Variants in KDM2B observed in about 807,000 individuals in gnomAD.
KDM2B encodes the protein lysine demethylase 2B.
A neutral mutation model predicts 150.0 loss-of-function variants in KDM2B; 26 were observed. The ratio of observed to expected loss-of-function variants is 0.17; its 90% CI spans 0.13 to 0.24. The LOEUF (loss-of-function observed/expected upper bound fraction) is 0.24, where lower values mean the gene tolerates loss of function less well. Ranked by LOEUF, KDM2B falls within the 10% of genes least tolerant of loss-of-function variation. KDM2B has a pLI of 1.00. For synonymous variants in KDM2B, 734 were observed against 729.5 expected, an observed-to-expected ratio of 1.01 and a Z score of -0.10; for missense variants, 1,265 against 1,816.9, an observed-to-expected ratio of 0.70 and a Z score of 5.52.
At chr12:121,550,661 G>A (rs782107692) in intron 4 of KDM2B, among the ~76,000 whole-genome samples, 17 of 152,166 alleles carry the variant, frequency 1.1e-4, no homozygotes, top group East Asian at 1.9e-4. Flanking sequence ...ACCTTGCTAA[G>A]TTTTATATTT....
At position 121,467,090 on chromosome 12, in the gene KDM2B, C is replaced by A. The variant is rs1449483277; in HGVS notation, c.1735-13746G>T. The A allele has an allele frequency of 3.1e-4, 295 of 958,108 alleles. No individual in the cohort carries two copies. The highest frequency in any genetic ancestry group is 3.6e-4 in the Non-Finnish European group (275 of 765,916). The allele number at this position is 958,108 out of a possible 1,614,324, so 59.4% of individuals were successfully genotyped here. On this transcript the variant is annotated intron_variant, in intron 12 of 22. Coordinates refer to ENST00000377071, the MANE Select transcript of KDM2B (RefSeq NM_032590.5). The surrounding 1 kb of genome is among the most constrained non-coding windows in gnomAD (Gnocchi z 5.1). ...GCGGCGGCGTCGCGGCCGCCCTCGG[C>A]GCGTCAGACAGGCGGTCGGGAGGTC...
intron 22 of KDM2B, among the ~76,000 whole-genome samples, chr12:121,431,879 CTTTTT>C (rs77237915): frequency 1.6e-3 from 196 of 122,396 alleles, no homozygotes; most frequent in African/African-American, 5.8e-3. Context: ...TTTCTTTTTT[CTTTTT>C]TTTTTTTTTT....
At chr12:121,485,235 A>G (rs1239191060) in intron 12 of KDM2B, among the ~76,000 whole-genome samples, 6 of 152,138 alleles carry the variant, frequency 3.9e-5, no homozygotes, top group Non-Finnish European at 8.8e-5. Flanking sequence ...TCTAAACTTC[A>G]GGAGGTTACT....
chr12:121,538,218 A>G (rs1229356999), intron 6 of KDM2B, among the ~76,000 whole-genome samples: 1 of 151,596 alleles, frequency 6.6e-6, no homozygotes, highest in Non-Finnish European at 1.5e-5. Flanking sequence ...GCGCCAGGAG[A>G]CGCCCCTCGC....
the KDM2B span, among the ~76,000 whole-genome samples, chr12:121,409,943 G>A: frequency 6.6e-5 from 10 of 151,918 alleles, no homozygotes; most frequent in Non-Finnish European, 1.3e-4. Context: ...ATCATCTGAG[G>A]TCAGGAGTTC....
intron 21 of KDM2B, chr12:121,440,288 A>G (rs1874753704): frequency 1.7e-6 from 1 of 582,392 alleles, no homozygotes; most frequent in African/African-American, 1.9e-5. Flanking sequence ...AAACTAAAAG[A>G]CCTAGAAACA....
chr12:121,486,178 G>A (rs28780815), intron 12 of KDM2B, among the ~76,000 whole-genome samples: 4 of 149,310 alleles, frequency 2.7e-5, no homozygotes, highest in South Asian at 4.2e-4. Context: ...GCACAATCTC[G>A]GCTCACTGCA....
chr12:121,474,851 C>T (rs1555296478), intron 12 of KDM2B, among the ~76,000 whole-genome samples: 1 of 152,148 alleles, frequency 6.6e-6, no homozygotes, highest in African/African-American at 2.4e-5. Flanking sequence ...CCTGGGGAGG[C>T]CGAGGAAGGA....
At chr12:121,573,575 T>C (rs1891275399) in intron 4 of KDM2B, among the ~76,000 whole-genome samples, 1 of 145,256 alleles carries the variant, frequency 6.9e-6, no homozygotes, top group Admixed American at 6.9e-5. Context: ...ACCCTCGGCC[T>C]ACTGTTTACT....
chr12:121,578,614 C>G (rs1891695897), intron 2 of KDM2B, among the ~76,000 whole-genome samples, 188 bp downstream of exon 2: 1 of 152,016 alleles, frequency 6.6e-6, no homozygotes, highest in Admixed American at 6.5e-5. Context: ...CATGCCCGGC[C>G]CCCCTTACTG....
intron 22 of KDM2B, among the ~76,000 whole-genome samples, chr12:121,436,770 C>A (rs1339602284): frequency 2.0e-5 from 3 of 152,094 alleles, no homozygotes; most frequent in African/African-American, 7.2e-5. Context: ...TGTTTGTCAT[C>A]AAAAATTGCA....
intron 22 of KDM2B, among the ~76,000 whole-genome samples, chr12:121,436,574 C>A (rs893874369): frequency 6.7e-6 from 1 of 149,744 alleles, no homozygotes; most frequent in African/African-American, 2.5e-5. Flanking sequence ...CCAGAAAATA[C>A]AGCAAAAAGA....
At chr12:121,462,141 A>G (rs1305276206) in intron 12 of KDM2B, among the ~76,000 whole-genome samples, 4 of 152,228 alleles carry the variant, frequency 2.6e-5, no homozygotes, top group African/African-American at 9.6e-5. Context: ...TTCTTTGTGC[A>G]TGCTAATGTT....
At chr12:121,541,391 G>A (rs571501538) in intron 6 of KDM2B, among the ~76,000 whole-genome samples, 24 of 87,700 alleles carry the variant, frequency 2.7e-4, no homozygotes, top group African/African-American at 1.1e-3. Context: ...GACAGCCCCT[G>A]TCTCAAAAAA....
chr12:121,417,581 T>A, the KDM2B span: 12 of 1,613,984 alleles, frequency 7.4e-6, no homozygotes, highest in Admixed American at 2.0e-4. The surrounding 1 kb of genome is among the most constrained non-coding windows in gnomAD (Gnocchi z 5.0). Context: ...GATGTTCTAC[T>A]TGTCACTTAT....
At position 121,520,440 on chromosome 12, in the gene KDM2B, C is replaced by T. The variant is rs782279560; in HGVS notation, c.1047+545G>A. 6.6e-6 allele frequency among the ~76,000 whole-genome samples: 1 copy of T among 152,100 alleles called. No homozygotes were observed. The highest frequency in any genetic ancestry group is 1.5e-5 in the Non-Finnish European group (1 of 68,036). On this transcript the variant is annotated intron_variant, in intron 9 of 22. Coordinates refer to ENST00000377071, the MANE Select transcript of KDM2B (RefSeq NM_032590.5). This position sits in a 1 kb window ranked among gnomAD's most constrained non-coding sequence, Gnocchi z 4.5. Reference sequence around the variant, plus strand: ...TGTCAAGGGCAGAGAAAAGCCTCGGCCCCAGGAAACTAGAGACGTCCTCAG... The same window carrying T: ...TGTCAAGGGCAGAGAAAAGCCTCGGTCCCAGGAAACTAGAGACGTCCTCAG...
the KDM2B span, among the ~76,000 whole-genome samples, chr12:121,414,957 A>T: frequency 6.6e-6 from 1 of 152,110 alleles, no homozygotes; most frequent in Non-Finnish European, 1.5e-5. Flanking sequence ...TTAGCTGGGC[A>T]TGGTGGCGGA....
At chr12:121,517,694 C>T (rs953246528) in intron 9 of KDM2B, among the ~76,000 whole-genome samples, 2 of 151,676 alleles carry the variant, frequency 1.3e-5, no homozygotes, top group Admixed American at 1.3e-4. Flanking sequence ...TGGTCTCGAA[C>T]TCCTGACCTC....
downstream of KDM2B, among the ~76,000 whole-genome samples, chr12:121,426,703 G>A (rs1872531595): frequency 7.0e-6 from 1 of 143,108 alleles, no homozygotes; most frequent in Non-Finnish European, 1.5e-5. Context: ...TTGGCTTATC[G>A]CAACCTCCGC....
Sources: gnomAD v4.1 joint callset for allele counts (sites outside exome capture counted in the v4.1 genomes callset) on GRCh38, gnomAD v4.1.1 for gene constraint, Gnocchi (gnomAD v3.1) non-coding constraint, MANE v1.5 for transcripts, NCBI Gene and HGNC (gene_info 2026-07-23, HGNC 2026-07-21) for gene names.